Variants in FAM120AOS observed in about 807,000 individuals in gnomAD.
FAM120AOS encodes uncharacterized protein FAM120AOS.
FAM120AOS carries 15 observed loss-of-function variants against 20.2 expected under a neutral mutation model. The ratio of observed to expected loss-of-function variants is 0.74; its 90% CI spans 0.50 to 1.15. The LOEUF (loss-of-function observed/expected upper bound fraction) is 1.15. Among genes scored for constraint, FAM120AOS ranks in the 50% most tolerant of loss-of-function variants. The probability of loss-of-function intolerance (pLI) is 0.00; values close to 1 mark genes in which losing one functional copy is unlikely to be tolerated. For missense variants in FAM120AOS, 327 were observed against 351.9 expected (o/e 0.93, Z 0.57); for synonymous variants, 154 against 154.0 (o/e 1.00, Z 0.00).
rs1439038091 is a variant in FAM120AOS at position 93,443,673 on chromosome 9, A to T, written c.*3938T>A. 1.3e-5 allele frequency among the ~76,000 whole-genome samples: 2 copies of T among 151,964 alleles called. No homozygotes were observed. Among genetic ancestry groups the T allele is most frequent in the African/African-American group, 2.4e-5 (1 of 41,350 alleles). ...GGTGGTGGTCCGAGTGTCAGTTCAG[A>T]GTGTGGCTGTGTTGCCTGGGCTCTG... On this transcript the variant is annotated 3_prime_UTR_variant, in exon 3 of 3. Coordinates refer to ENST00000375412, the MANE Select transcript of FAM120AOS (RefSeq NM_198841.4).
At chr9:93,451,603 C>G (rs1294578338) in intron 1 of FAM120AOS, 1 of 982,910 alleles carries the variant, frequency 1.0e-6, no homozygotes, top group Non-Finnish European at 1.2e-6. Flanking sequence ...GCCGGCGGGC[C>G]TGGGCGGCGT....
chr9:93,451,743 T>C, intron 1 of FAM120AOS: 13 of 973,424 alleles, frequency 1.3e-5, no homozygotes, highest in Non-Finnish European at 1.4e-5. Flanking sequence ...GACATGGCCC[T>C]GGGAGGCGGC....
rs1004841762 is a variant in FAM120AOS, at chr9:93,448,719, G to A, written c.685-1022C>T. 2.0e-5 allele frequency among the ~76,000 whole-genome samples: 3 copies of A among 152,122 alleles called. No homozygotes were observed. In the South Asian group the frequency reaches 6.2e-4, roughly 32 times the overall value. ...TGCAAGCTCCGCCTCCTGGGTTCAC[G>A]CCATTCTCCTGCCTCAGCCTCCTGA... On this transcript the variant is annotated intron_variant, in intron 2 of 2. Transcript: ENST00000375412.
In FAM120AOS at chr9:93,453,019, T is replaced by G; in HGVS notation, c.-310A>C. The G allele has an allele frequency of 8.4e-7, 1 of 1,183,508 alleles. No individual in the cohort carries two copies. Among genetic ancestry groups the G allele is most frequent in the Non-Finnish European group, 1.0e-6 (1 of 953,642 alleles). The allele number at this position is 1,183,508 out of a possible 1,614,324, so 73.3% of individuals were successfully genotyped here. On this transcript the variant is annotated 5_prime_UTR_variant, in exon 1 of 3. Coordinates refer to ENST00000375412, the MANE Select transcript of FAM120AOS (RefSeq NM_198841.4). ...GGTGTTTAGAGAATCTTTCTATGGC[T>G]TTTTGTGTTAGATTTCAAAGACCCG...
At chr9:93,450,808 C>A (rs1161226311) in intron 1 of FAM120AOS, 6 of 953,494 alleles carry the variant, frequency 6.3e-6, no homozygotes, top group Admixed American at 6.0e-5. Flanking sequence ...AAACGACCTC[C>A]TTCCAGAAGA....
rs140358054 is a variant in FAM120AOS at position 93,445,181 on chromosome 9, T to C, written c.*2430A>G. Among the ~76,000 whole-genome samples, 197 of 152,012 alleles carry C rather than the reference T, an allele frequency of 1.3e-3. 1 individual carries two copies. Among genetic ancestry groups the C allele is most frequent in the Non-Finnish European group, 2.3e-3 (156 of 67,946 alleles). On this transcript the variant is annotated 3_prime_UTR_variant, in exon 3 of 3. Transcript: ENST00000375412. ...AGGGTACAGTAAGTCTTACCAAACA[T>C]GTAAGACATGTTATTTGGGGATATT...
In FAM120AOS at chr9:93,447,321, G is replaced by C. The variant is rs1342721578; in HGVS notation, c.*290C>G. On this transcript the variant is annotated 3_prime_UTR_variant, in exon 3 of 3. Transcript: ENST00000375412. ...CTTCATCTCCATATCCCCAGTAGCT[G>C]GCCAATGCCCAGTATACACCAGGGG... 2 of 311,314 alleles carry C rather than the reference G, an allele frequency of 6.4e-6. No homozygotes were observed. Among genetic ancestry groups the C allele is most frequent in the Admixed American group, 4.5e-5 (1 of 22,190 alleles). 19.3% of individuals were successfully genotyped at this position (311,314 alleles called of 1,614,324 possible).
In FAM120AOS at chr9:93,443,727, C is replaced by A. The variant is rs1210943220; in HGVS notation, c.*3884G>T. 1.3e-5 allele frequency among the ~76,000 whole-genome samples: 2 copies of A among 152,162 alleles called. No individual in the cohort carries two copies. Among genetic ancestry groups the A allele is most frequent in the Non-Finnish European group, 2.9e-5 (2 of 68,032 alleles). ...CTTGTATGTGCAGCTCTGGGCTGAG[C>A]ACGGAATTCAGCTCATGTACAGAAT... On this transcript the variant is annotated 3_prime_UTR_variant, in exon 3 of 3. Coordinates refer to ENST00000375412, the MANE Select transcript of FAM120AOS (RefSeq NM_198841.4).
In FAM120AOS at chr9:93,452,549, GAT is replaced by G; in HGVS notation, c.159_160del (p.Ser54HisfsTer138). ...CCTGGCCGGGCCGGGCTGCAAGATG[GAT>G]GGCCGCGGGTGCAGGCCGCGCGCTG... On this transcript the variant is annotated frameshift_variant, in exon 1 of 3. Transcript: ENST00000375412. LOFTEE classifies it high-confidence loss of function. This position sits in a 1 kb window ranked among gnomAD's most constrained non-coding sequence, Gnocchi z 7.0. The G allele has an allele frequency of 6.3e-7, 1 of 1,579,602 alleles. No homozygotes were observed. The highest frequency in any genetic ancestry group is 8.6e-7 in the Non-Finnish European group (1 of 1,169,412).
At chr9:93,451,865 C>G in intron 1 of FAM120AOS, 3 of 1,067,242 alleles carry the variant, frequency 2.8e-6, no homozygotes, top group Middle Eastern at 4.1e-4. Flanking sequence ...CCCACCACCC[C>G]CGGCCCCGCC....
chr9:93,452,531 G>C lies in FAM120AOS; in HGVS notation c.179C>G (p.Pro60Arg), dbSNP rs200709426. 1.2e-4 allele frequency: 182 copies of C among 1,561,578 alleles called. No homozygotes were observed. In the East Asian group the frequency reaches 2.8e-3, roughly 24 times the overall value. ...HPRPSILQPG[P>R]ARLSRARAGG... The stretch of plus-strand genomic sequence containing the variant: ...AGCCCTTGCCCGGGATAGCCTGGCC[G>C]GGCCGGGCTGCAAGATGGATGGCCG... Residue 60 changes from proline (P) to arginine (R), a missense_variant, in exon 1 of 3, where the codon CCG becomes CGG. Coordinates refer to ENST00000375412, the MANE Select transcript of FAM120AOS (RefSeq NM_198841.4). The surrounding 1 kb of genome is among the most constrained non-coding windows in gnomAD (Gnocchi z 7.0).
chr9:93,451,895 G>GCCCGCGCC, intron 1 of FAM120AOS: 1 of 1,206,560 alleles, frequency 8.3e-7, no homozygotes, highest in East Asian at 3.5e-5. Context: ...CCGCACCCGC[G>GCCCGCGCC]CCCGCGCCCC....
In FAM120AOS at chr9:93,452,545, G is replaced by A. The variant is rs1857300417; in HGVS notation, c.165C>T (p.Ile55=). 1 of 1,577,404 alleles carries A rather than the reference G, an allele frequency of 6.3e-7. No homozygotes were observed. The highest frequency in any genetic ancestry group is 8.6e-7 in the Non-Finnish European group (1 of 1,168,116). ...ATAGCCTGGCCGGGCCGGGCTGCAA[G>A]ATGGATGGCCGCGGGTGCAGGCCGC... ...AARGLHPRPS[I]LQPGPARLSR... Residue 55 remains isoleucine, a synonymous_variant, in exon 1 of 3, where the codon ATC becomes ATT. Coordinates refer to ENST00000375412, the MANE Select transcript of FAM120AOS (RefSeq NM_198841.4). This position sits in a 1 kb window ranked among gnomAD's most constrained non-coding sequence, Gnocchi z 7.0.
In FAM120AOS at chr9:93,447,483, T is replaced by C. The variant is rs1856890760; in HGVS notation, c.*128A>G. 5.9e-6 allele frequency: 5 copies of C among 844,026 alleles called. No individual in the cohort carries two copies. The East Asian group carries it at 9.8e-5, about 16-fold the overall frequency. 52.3% of individuals were successfully genotyped at this position (844,026 alleles called of 1,614,324 possible). A position where few individuals can be genotyped will look rare whatever the true frequency, so the allele number is the denominator to read the frequency against. On this transcript the variant is annotated 3_prime_UTR_variant, in exon 3 of 3. Transcript: ENST00000375412. ...ACTCTAGCTTTAAAACACCCTCCAATATAGAGAGAACTCTGAAACCAGAAG... is the reference window on the plus strand; with the variant it reads ...ACTCTAGCTTTAAAACACCCTCCAACATAGAGAGAACTCTGAAACCAGAAG...
At chr9:93,451,416 G>C in intron 1 of FAM120AOS, 1 of 1,334,298 alleles carries the variant, frequency 7.5e-7, no homozygotes, top group Non-Finnish European at 9.6e-7. Flanking sequence ...CGCAGGGGAG[G>C]GGAGCGGCGG....
chr9:93,449,582 G>A (rs902932872), intron 2 of FAM120AOS, among the ~76,000 whole-genome samples: 5 of 131,434 alleles, frequency 3.8e-5, no homozygotes, highest in African/African-American at 1.2e-4. Flanking sequence ...CCACCTCCCA[G>A]GTTCAAGCAA....
At position 93,453,333 on chromosome 9, in the gene FAM120AOS, C is replaced by G. The variant is rs1857374299; in HGVS notation, c.-624G>C. 5.1e-6 allele frequency: 5 copies of G among 985,746 alleles called. No homozygotes were observed. The allele number at this position is 985,746 out of a possible 1,614,324, so 61.1% of individuals were successfully genotyped here. On this transcript the variant is annotated 5_prime_UTR_variant, in exon 1 of 3. An upstream open reading frame in the 5' UTR loses its in-frame stop. Coordinates refer to ENST00000375412, the MANE Select transcript of FAM120AOS (RefSeq NM_198841.4). Reference sequence around the variant, plus strand: ...CTGGCACTGGGCCAGAGGAGAACTTCAGGACCCAGCAGTGACTGTGAAGAT... The same window carrying G: ...CTGGCACTGGGCCAGAGGAGAACTTGAGGACCCAGCAGTGACTGTGAAGAT...
rs889010385 is a variant in FAM120AOS, at chr9:93,446,886, A to G, written c.*725T>C. On this transcript the variant is annotated 3_prime_UTR_variant, in exon 3 of 3. Coordinates refer to ENST00000375412, the MANE Select transcript of FAM120AOS (RefSeq NM_198841.4). ...GGCAGTGCTGTGTTAGACTGAAAGTAAAAGATAAAAACTCTAAGAACCTAT... is the reference window on the plus strand; with the variant it reads ...GGCAGTGCTGTGTTAGACTGAAAGTGAAAGATAAAAACTCTAAGAACCTAT... 2 of 152,292 alleles carry G rather than the reference A, an allele frequency of 1.3e-5. No homozygotes were observed. Among genetic ancestry groups the G allele is most frequent in the African/African-American group, 4.8e-5 (2 of 41,472 alleles). 9.4% of individuals were successfully genotyped at this position (152,292 alleles called of 1,614,324 possible). A position where few individuals can be genotyped will look rare whatever the true frequency, so the allele number is the denominator to read the frequency against.
intron 1 of FAM120AOS, chr9:93,451,120 T>G (rs768577607): frequency 1.6e-4 from 253 of 1,550,482 alleles, no homozygotes; most frequent in Non-Finnish European, 2.0e-4. Context: ...CGCTCCTTCC[T>G]GCTCTTTCCA....
Sources: allele counts gnomAD v4.1 joint callset (sites outside exome capture counted in the v4.1 genomes callset), GRCh38; gene constraint gnomAD v4.1.1; non-coding constraint Gnocchi (gnomAD v3.1); transcripts MANE v1.5; gene names NCBI Gene and HGNC (gene_info 2026-07-23, HGNC 2026-07-21).